PTPN6: variants seen among roughly 807,000 people sequenced by gnomAD.
The protein encoded by PTPN6 is protein tyrosine phosphatase non-receptor type 6, also known as tyrosine-protein phosphatase non-receptor type 6.
PTPN6 carries 18 observed loss-of-function variants against 81.5 expected under a neutral mutation model. The ratio of observed to expected loss-of-function variants is 0.22; its 90% CI spans 0.15 to 0.33. PTPN6 has a LOEUF of 0.33. Ranked by LOEUF, PTPN6 falls within the 10% of genes least tolerant of loss-of-function variation. The pLI, the probability that PTPN6 is intolerant of heterozygous loss-of-function variation, is 1.00. For synonymous variants in PTPN6, 301 were observed against 310.9 expected (o/e 0.97, Z 0.33); for missense variants, 500 against 794.2 (o/e 0.63, Z 4.45).
chr12:6,949,743 T>G (rs1200915679), upstream of PTPN6, among the ~76,000 whole-genome samples: 1 of 151,912 alleles, frequency 6.6e-6, no homozygotes, highest in African/African-American at 2.4e-5. Flanking sequence ...TTTCTACAGA[T>G]TATTTTGCCT....
rs1946043607 is a variant in PTPN6 at position 6,957,010 on chromosome 12, A to T, written c.1074+442A>T. ...ATGGCTCCTGGTCACCTTTGGGATA[A>T]AGTCGCACTCTAAGGCCTGGCATTC... On this transcript the variant is annotated intron_variant, in intron 9 of 15. Transcript: ENST00000318974. This position sits in a 1 kb window ranked among gnomAD's most constrained non-coding sequence, Gnocchi z 6.5. Among the ~76,000 whole-genome samples the T allele has an allele frequency of 6.6e-6, 1 of 152,118 alleles. No individual in the cohort carries two copies. Among genetic ancestry groups the T allele is most frequent in the East Asian group, 1.9e-4 (1 of 5,188 alleles).
In PTPN6 at chr12:6,959,552, C is replaced by A; in HGVS notation, c.1362-375C>A. ...CCATGCTGAGAGACGCTCCATAACT[C>A]CTTCAGGGAGAGGCGGGGAGGGCTC... On this transcript the variant is annotated intron_variant, in intron 11 of 15. Transcript: ENST00000318974. This position sits in a 1 kb window ranked among gnomAD's most constrained non-coding sequence, Gnocchi z 6.6. 2.3e-6 allele frequency: 1 copy of A among 443,128 alleles called. No individual in the cohort carries two copies. Among genetic ancestry groups the A allele is most frequent in the South Asian group, 2.3e-5 (1 of 42,874 alleles). The allele number at this position is 443,128 out of a possible 1,614,324, so 27.4% of individuals were successfully genotyped here.
At position 6,955,878 on chromosome 12, in the gene PTPN6, C is replaced by A. The variant is rs1253194149; in HGVS notation, c.844+122C>A. 1.7e-5 allele frequency: 16 copies of A among 947,724 alleles called. No individual in the cohort carries two copies. The highest frequency in any genetic ancestry group is 2.3e-5 in the Non-Finnish European group (14 of 600,024). The allele number at this position is 947,724 out of a possible 1,614,324, so 58.7% of individuals were successfully genotyped here. ...CCATCTCCCCACACCCCCCACAGAG[C>A]CTCCCCCTTCTCCAAAAGGCCTCTA... On this transcript the variant is annotated intron_variant, in intron 7 of 15. Coordinates refer to ENST00000318974, the MANE Select transcript of PTPN6 (RefSeq NM_002831.6). The surrounding 1 kb of genome is among the most constrained non-coding windows in gnomAD (Gnocchi z 7.2).
chr12:6,948,434 C>CAAA (rs1262721721), upstream of PTPN6, among the ~76,000 whole-genome samples: 1 of 45,482 alleles, frequency 2.2e-5, no homozygotes, highest in African/African-American at 7.6e-5. Context: ...GATTCTGTGT[C>CAAA]AAAAAAAAAA....
In PTPN6 at chr12:6,956,269, C is replaced by A; in HGVS notation, c.924+48C>A. On this transcript the variant is annotated intron_variant, in intron 8 of 15. Coordinates refer to ENST00000318974, the MANE Select transcript of PTPN6 (RefSeq NM_002831.6). The surrounding 1 kb of genome is among the most constrained non-coding windows in gnomAD (Gnocchi z 4.1). ...GAGGAGAGGCTGGGCCCTGGGAATTCCCTGTCTGGTGGGGGGACCCTAGAT... is the reference window on the plus strand; with the variant it reads ...GAGGAGAGGCTGGGCCCTGGGAATTACCTGTCTGGTGGGGGGACCCTAGAT... The A allele has an allele frequency of 6.2e-7, 1 of 1,610,820 alleles. No individual in the cohort carries two copies. Among genetic ancestry groups the A allele is most frequent in the Non-Finnish European group, 8.5e-7 (1 of 1,177,052 alleles).
intron 3 of PTPN6, among the ~76,000 whole-genome samples, chr12:6,953,775 C>A (rs782091384): frequency 2.6e-4 from 39 of 152,092 alleles, no homozygotes; most frequent in Non-Finnish European, 1.5e-5. Flanking sequence ...TGTCCCCAGG[C>A]GGTGGGCTGA....
rs1291264026 is a variant in PTPN6, at chr12:6,959,461, C to G, written c.1362-466C>G. On this transcript the variant is annotated intron_variant, in intron 11 of 15. Coordinates refer to ENST00000318974, the MANE Select transcript of PTPN6 (RefSeq NM_002831.6). The surrounding 1 kb of genome is among the most constrained non-coding windows in gnomAD (Gnocchi z 6.6). Reference sequence around the variant, plus strand: ...CCTGAGTCCCCTGACCCTGTGCCCCCGCACCCTGCTGTCTCAGGGCTATCC... The same window carrying G: ...CCTGAGTCCCCTGACCCTGTGCCCCGGCACCCTGCTGTCTCAGGGCTATCC... 1 of 263,860 alleles carries G rather than the reference C, an allele frequency of 3.8e-6. No individual in the cohort carries two copies. The allele number at this position is 263,860 out of a possible 1,614,324, so 16.3% of individuals were successfully genotyped here. A position where few individuals can be genotyped will look rare whatever the true frequency, so the allele number is the denominator to read the frequency against.
Position 6,956,251 on chromosome 12 carries a change from G to A in PTPN6, c.924+30G>A. 1 of 1,612,686 alleles carries A rather than the reference G, an allele frequency of 6.2e-7. No homozygotes were observed. The highest frequency in any genetic ancestry group is 8.5e-7 in the Non-Finnish European group (1 of 1,178,704). On this transcript the variant is annotated intron_variant, in intron 8 of 15. Coordinates refer to ENST00000318974, the MANE Select transcript of PTPN6 (RefSeq NM_002831.6). The surrounding 1 kb of genome is among the most constrained non-coding windows in gnomAD (Gnocchi z 4.1). ...GCAGTGTGGGCCACGTGGGAGGAGA[G>A]GCTGGGCCCTGGGAATTCCCTGTCT...
rs782667613 is a variant in PTPN6 at position 6,957,809 on chromosome 12, C to T, written c.1206+24C>T. 9.3e-6 allele frequency: 15 copies of T among 1,614,018 alleles called. No individual in the cohort carries two copies. The Admixed American group carries it at 2.0e-4, about 22-fold the overall frequency. On this transcript the variant is annotated intron_variant, in intron 10 of 15. Coordinates refer to ENST00000318974, the MANE Select transcript of PTPN6 (RefSeq NM_002831.6). The surrounding 1 kb of genome is among the most constrained non-coding windows in gnomAD (Gnocchi z 6.5). Reference sequence around the variant, plus strand: ...ATGTGAGTGGCCCCCACGCCCTGCCCCATTCCGGGAGTCCCTCCCTGGACT... The same window carrying T: ...ATGTGAGTGGCCCCCACGCCCTGCCTCATTCCGGGAGTCCCTCCCTGGACT...
rs781812034 is a variant in PTPN6 at position 6,952,265 on chromosome 12, G to A, written c.326+88G>A. 53 of 1,498,252 alleles carry A rather than the reference G, an allele frequency of 3.5e-5. No individual in the cohort carries two copies. Among genetic ancestry groups the A allele is most frequent in the East Asian group, 2.0e-4 (9 of 44,190 alleles). 92.8% of individuals were successfully genotyped at this position (1,498,252 alleles called of 1,614,324 possible). ...CAGGGAGGCAGGGAGACTGGCAGCCGGCGCTGCCTACCCTCCATCCCCTCC... is the reference window on the plus strand; with the variant it reads ...CAGGGAGGCAGGGAGACTGGCAGCCAGCGCTGCCTACCCTCCATCCCCTCC... On this transcript the variant is annotated intron_variant, in intron 3 of 15. Transcript: ENST00000318974. This position sits in a 1 kb window ranked among gnomAD's most constrained non-coding sequence, Gnocchi z 8.1.
Position 6,959,518 on chromosome 12 carries a change from G to A in PTPN6, c.1362-409G>A. The stretch of plus-strand genomic sequence containing the variant: ...TGACGTCAGGGTTTGAAGGAAAAGG[G>A]AAGTGAAGCCATGCTGAGAGACGCT... On this transcript the variant is annotated intron_variant, in intron 11 of 15. Transcript: ENST00000318974. This position sits in a 1 kb window ranked among gnomAD's most constrained non-coding sequence, Gnocchi z 6.6. 2 of 335,372 alleles carry A rather than the reference G, an allele frequency of 6.0e-6. No individual in the cohort carries two copies. Among genetic ancestry groups the A allele is most frequent in the Admixed American group, 4.6e-5 (1 of 21,978 alleles). The allele number at this position is 335,372 out of a possible 1,614,324, so 20.8% of individuals were successfully genotyped here.
chr12:6,946,813 C>T (rs1244724239), upstream of PTPN6: 11 of 1,469,914 alleles, frequency 7.5e-6, no homozygotes, highest in Admixed American at 1.1e-4. Context: ...TTGATGCTCA[C>T]TCCGACGTGT....
At position 6,959,147 on chromosome 12, in the gene PTPN6, C is replaced by T. The variant is rs782454830; in HGVS notation, c.1362-780C>T. On this transcript the variant is annotated intron_variant, in intron 11 of 15. Coordinates refer to ENST00000318974, the MANE Select transcript of PTPN6 (RefSeq NM_002831.6). This position sits in a 1 kb window ranked among gnomAD's most constrained non-coding sequence, Gnocchi z 6.6. ...GCCCCCGATGGGCTGTCCGGGGACGCGGCTCTGTCCTGTGCTCTCTCAGGG... is the reference window on the plus strand; with the variant it reads ...GCCCCCGATGGGCTGTCCGGGGACGTGGCTCTGTCCTGTGCTCTCTCAGGG... Among the ~76,000 whole-genome samples, 3 of 152,324 alleles carry T rather than the reference C, an allele frequency of 2.0e-5. No individual in the cohort carries two copies. The highest frequency in any genetic ancestry group is 2.1e-4 in the South Asian group (1 of 4,830).
At position 6,960,599 on chromosome 12, in the gene PTPN6, C is replaced by T. The variant is rs782761838; in HGVS notation, c.1673+164C>T. ...CATAAGCATTTCCTGAGTGCCCACA[C>T]GTGTGGGCCTCTGCTAGGTACCAGC... On this transcript the variant is annotated intron_variant, in intron 14 of 15. Coordinates refer to ENST00000318974, the MANE Select transcript of PTPN6 (RefSeq NM_002831.6). This position sits in a 1 kb window ranked among gnomAD's most constrained non-coding sequence, Gnocchi z 6.1. The T allele has an allele frequency of 1.1e-5, 16 of 1,472,508 alleles. No homozygotes were observed. The highest frequency in any genetic ancestry group is 9.9e-5 in the East Asian group (4 of 40,438). The allele number at this position is 1,472,508 out of a possible 1,614,324, so 91.2% of individuals were successfully genotyped here.
chr12:6,956,596 G>GC lies in PTPN6; in HGVS notation c.1074+33dup. On this transcript the variant is annotated intron_variant, in intron 9 of 15. Transcript: ENST00000318974. This position sits in a 1 kb window ranked among gnomAD's most constrained non-coding sequence, Gnocchi z 4.1. ...AGGGCGCCCCCCCTTCCCCGCATCC[G>GC]CCCCCGTGCTTGTGGTCATGCCATT... 1 of 1,612,294 alleles carries GC rather than the reference G, an allele frequency of 6.2e-7. No homozygotes were observed. Among genetic ancestry groups the GC allele is most frequent in the South Asian group, 1.1e-5 (1 of 91,014 alleles).
upstream of PTPN6, among the ~76,000 whole-genome samples, chr12:6,950,654 C>A (rs77790046): frequency 5.4e-3 from 826 of 152,284 alleles, 10 homozygotes; most frequent in African/African-American, 0.019. Flanking sequence ...TTCTCTCTTG[C>A]AAGCATTGGC....
intron 3 of PTPN6, among the ~76,000 whole-genome samples, chr12:6,953,839 C>T (rs142284130): frequency 0.014 from 2,110 of 152,134 alleles, 25 homozygotes; most frequent in Non-Finnish European, 0.016. Flanking sequence ...GAGTCACCTC[C>T]GGGCAGGGGT....
rs1166006951 is a variant in PTPN6, at chr12:6,960,079, C to T, written c.1430-9C>T. On this transcript the variant is annotated splice_polypyrimidine_tract_variant and intron_variant, in intron 12 of 15. Coordinates refer to ENST00000318974, the MANE Select transcript of PTPN6 (RefSeq NM_002831.6). The surrounding 1 kb of genome is among the most constrained non-coding windows in gnomAD (Gnocchi z 6.1). ...GCCTGGACCTGAGGTTTGACTGCCC[C>T]CCACCCAGGCCTGGACTGTGACATT... The T allele has an allele frequency of 6.2e-7, 1 of 1,613,466 alleles. No homozygotes were observed. The highest frequency in any genetic ancestry group is 1.3e-5 in the African/African-American group (1 of 74,918).
In PTPN6 at chr12:6,959,820, A is replaced by G; in HGVS notation, c.1362-107A>G. 3 of 1,199,824 alleles carry G rather than the reference A, an allele frequency of 2.5e-6. No homozygotes were observed. Among genetic ancestry groups the G allele is most frequent in the Non-Finnish European group, 3.7e-6 (3 of 813,816 alleles). The allele number at this position is 1,199,824 out of a possible 1,614,324, so 74.3% of individuals were successfully genotyped here. A position where few individuals can be genotyped will look rare whatever the true frequency, so the allele number is the denominator to read the frequency against. ...TGGGCACATTCCCTCCCATCACTGG[A>G]GGCTCAGGCTGCTCCTGTGGTGCCT... On this transcript the variant is annotated intron_variant, in intron 11 of 15. Coordinates refer to ENST00000318974, the MANE Select transcript of PTPN6 (RefSeq NM_002831.6). This position sits in a 1 kb window ranked among gnomAD's most constrained non-coding sequence, Gnocchi z 6.6.
Sources: allele counts gnomAD v4.1 joint callset (sites outside exome capture counted in the v4.1 genomes callset), GRCh38; gene constraint gnomAD v4.1.1; non-coding constraint Gnocchi (gnomAD v3.1); transcripts MANE v1.5; gene names NCBI Gene and HGNC (gene_info 2026-07-23, HGNC 2026-07-21).